The following SHISA6 variants were observed in gnomAD, a reference collection of about 807,000 sequenced individuals.
SHISA6 encodes the protein shisa family member 6, also known as protein shisa-6.
In SHISA6, 22 loss-of-function variants were observed where a neutral mutation model predicts 47.9. The ratio of observed to expected loss-of-function variants is 0.46; its 90% confidence interval spans 0.33 to 0.66. The LOEUF is 0.66. Ranked by LOEUF, SHISA6 falls within the 30% of genes least tolerant of loss-of-function variation. The pLI is 0.02. For missense variants in SHISA6, 680 were observed against 764.6 expected (o/e 0.89, Z 1.30); for synonymous variants, 388 against 337.8 (o/e 1.15, Z -1.63).
intron 3 of SHISA6, among the ~76,000 whole-genome samples, chr17:11,540,087 T>C (rs1014271969): frequency 2.6e-5 from 4 of 152,156 alleles, no homozygotes; most frequent in Non-Finnish European, 4.4e-5. Context: ...GTTCCAGACC[T>C]CCACCCATTA....
At chr17:11,342,370 C>T (rs186856653) in intron 2 of SHISA6, among the ~76,000 whole-genome samples, 1 of 151,824 alleles carries the variant, frequency 6.6e-6, no homozygotes, top group African/African-American at 2.4e-5. Context: ...GGAGAGAGGG[C>T]GTGTTGGAGG....
chr17:11,537,159 C>A (rs560263205), intron 3 of SHISA6, among the ~76,000 whole-genome samples: 43 of 151,938 alleles, frequency 2.8e-4, no homozygotes, highest in African/African-American at 1.0e-3. Flanking sequence ...AGAGCAGGCT[C>A]ACTGGAGAGG....
chr17:11,355,457 T>C (rs1326451898), intron 2 of SHISA6, among the ~76,000 whole-genome samples: 1 of 152,140 alleles, frequency 6.6e-6, no homozygotes, highest in Non-Finnish European at 1.5e-5. Context: ...TTCAAGAGAT[T>C]ATGGGAATAA....
intron 4 of SHISA6, among the ~76,000 whole-genome samples, chr17:11,553,326 C>G (rs1442223341): frequency 2.6e-5 from 4 of 152,162 alleles, no homozygotes; most frequent in African/African-American, 9.7e-5. Context: ...GATGAAGCAG[C>G]CTCAGGAAGA....
chr17:11,292,715 G>A (rs1456625650), intron 2 of SHISA6, among the ~76,000 whole-genome samples: 3 of 151,912 alleles, frequency 2.0e-5, no homozygotes, highest in Non-Finnish European at 4.4e-5. Context: ...GCAAGGAGAC[G>A]AGATGAACTT....
chr17:11,530,790 A>C (rs752894701), intron 3 of SHISA6, among the ~76,000 whole-genome samples: 22 of 152,130 alleles, frequency 1.4e-4, no homozygotes, highest in Middle Eastern at 3.2e-3. Flanking sequence ...ACAGTGTGTA[A>C]ATTTTTCACA....
intron 5 of SHISA6, among the ~76,000 whole-genome samples, chr17:11,556,194 C>A (rs764826074): frequency 1.3e-5 from 2 of 152,156 alleles, no homozygotes; most frequent in Non-Finnish European, 2.9e-5. Flanking sequence ...CAGTCCCGCA[C>A]GCAACTGCCT....
In SHISA6 at chr17:11,357,113, G is replaced by A. The variant is rs1043347712; in HGVS notation, c.800-22301G>A. ...TGAGGCAGGAGAATGGCGTGAACCC[G>A]GGAGGCGGAGCTTGCAGTGAGCCGA... On this transcript the variant is annotated intron_variant, in intron 2 of 5. Transcript: ENST00000441885. 4.6e-5 allele frequency among the ~76,000 whole-genome samples: 7 copies of A among 151,250 alleles called. 1 individual carries two copies. The highest frequency in any genetic ancestry group is 1.7e-4 in the African/African-American group (7 of 41,100).
intron 1 of SHISA6, among the ~76,000 whole-genome samples, chr17:11,245,354 A>G (rs1907534587): frequency 6.6e-6 from 1 of 152,158 alleles, no homozygotes; most frequent in Admixed American, 6.5e-5. Context: ...TGCCCGGGCT[A>G]AGGCTCAAGC....
At chr17:11,543,369 G>C (rs1490058039) in intron 3 of SHISA6, among the ~76,000 whole-genome samples, 1 of 152,108 alleles carries the variant, frequency 6.6e-6, no homozygotes, top group Non-Finnish European at 1.5e-5. Context: ...AGTTAATTCT[G>C]AGGATTGTGA....
intron 3 of SHISA6, among the ~76,000 whole-genome samples, chr17:11,537,365 G>A (rs75974650): frequency 6.6e-6 from 1 of 152,044 alleles, no homozygotes; most frequent in Non-Finnish European, 1.5e-5. Flanking sequence ...CGGCGGGGGG[G>A]ATCCCACTTT....
At chr17:11,463,750 A>G (rs1415726516) in intron 3 of SHISA6, among the ~76,000 whole-genome samples, 3 of 152,224 alleles carry the variant, frequency 2.0e-5, no homozygotes, top group Non-Finnish European at 2.9e-5. Context: ...TACGCAGTCA[A>G]TTATTTATCC....
chr17:11,501,931 G>A (rs149988650), intron 3 of SHISA6, among the ~76,000 whole-genome samples: 1 of 152,264 alleles, frequency 6.6e-6, no homozygotes, highest in East Asian at 1.9e-4. Context: ...TCTGGCAAAT[G>A]CTTTGCTAGG....
intron 2 of SHISA6, among the ~76,000 whole-genome samples, chr17:11,308,919 C>T (rs1287383520): frequency 1.3e-5 from 2 of 152,316 alleles, no homozygotes; most frequent in African/African-American, 4.8e-5. Context: ...AGATACTAAA[C>T]TTCCAAAGAT....
rs115905607 is a variant in SHISA6, at chr17:11,437,974, T to C, written c.895+58465T>C. ...CAGATGACTCCAACCATAATGTCAC[T>C]GCTTATGGTGATGTTTTGAGCCTCG... On this transcript the variant is annotated intron_variant, in intron 3 of 5. Transcript: ENST00000441885. 1.9e-3 allele frequency among the ~76,000 whole-genome samples: 290 copies of C among 152,294 alleles called. 1 individual carries two copies. The highest frequency in any genetic ancestry group is 6.7e-3 in the African/African-American group (277 of 41,568).
intron 4 of SHISA6, 112 bp from the exon 5 acceptor site, chr17:11,555,628 C>T: frequency 8.1e-7 from 1 of 1,228,750 alleles, no homozygotes; most frequent in Non-Finnish European, 1.1e-6. Context: ...TATGTCCAAG[C>T]ACAGAGGTCC....
intron 3 of SHISA6, among the ~76,000 whole-genome samples, chr17:11,473,261 A>G (rs1268694809): frequency 6.6e-6 from 1 of 152,158 alleles, no homozygotes; most frequent in African/African-American, 2.4e-5. Flanking sequence ...CTCCTACATT[A>G]TCTTCCAAGA....
At position 11,558,168 on chromosome 17, in the gene SHISA6, C is replaced by T; in HGVS notation, c.1520C>T (p.Ala507Val). 6.5e-7 allele frequency: 1 copy of T among 1,548,280 alleles called. No individual in the cohort carries two copies. Among genetic ancestry groups the T allele is most frequent in the South Asian group, 1.2e-5 (1 of 84,068 alleles). Reference sequence around the variant, plus strand: ...CCCAGTGCCTCCAATAACTCATACGCCACCCTGGGCCAGAGCCAGACGGCA... The same window carrying T: ...CCCAGTGCCTCCAATAACTCATACGTCACCCTGGGCCAGAGCCAGACGGCA... ...SHPSASNNSY[A>V]TLGQSQTAAK... The change falls in exon 6 of 6, where the codon GCC becomes GTC. Residue 507 changes from alanine (A) to valine (V), a missense_variant. This residue lies in a region of SHISA6 where 559 missense variants were observed against 674.1 expected (regional missense o/e 0.83). Transcript: ENST00000441885.
intron 3 of SHISA6, among the ~76,000 whole-genome samples, chr17:11,499,392 T>C (rs1214539651): frequency 6.6e-6 from 1 of 151,716 alleles, no homozygotes; most frequent in Non-Finnish European, 1.5e-5. Context: ...CACCTCTTCA[T>C]GGAACCTCAC....
Sources: allele counts gnomAD v4.1 joint callset (sites outside exome capture counted in the v4.1 genomes callset), GRCh38; gene constraint gnomAD v4.1.1; regional missense constraint gnomAD v4.1.1; transcripts MANE v1.5; gene names NCBI Gene and HGNC (gene_info 2026-07-23, HGNC 2026-07-21).